The following KIF1A variants were observed in gnomAD, a reference collection of about 807,000 sequenced individuals.
KIF1A encodes kinesin-like protein KIF1A.
Under a neutral mutation model 227.3 loss-of-function variants are expected in KIF1A, and 46 were observed. The observed-to-expected ratio is 0.20, with a 90% CI of 0.16 to 0.26. The LOEUF (loss-of-function observed/expected upper bound fraction) is 0.26, where lower values mean the gene tolerates loss of function less well. Ranked by LOEUF, KIF1A falls within the 10% of genes least tolerant of loss-of-function variation. The pLI is 1.00. For missense variants in KIF1A, 1,683 were observed against 2,485.9 expected, an observed-to-expected ratio of 0.68 and a Z score of 6.87; for synonymous variants, 1,022 against 1,012.8, an observed-to-expected ratio of 1.01 and a Z score of -0.17.
intron 1 of KIF1A, among the ~76,000 whole-genome samples, chr2:240,806,954 C>T (rs566339311): frequency 8.6e-5 from 13 of 151,910 alleles, no homozygotes; most frequent in Admixed American, 1.3e-4. Flanking sequence ...AATATAAAGT[C>T]GTCCCTCAGT....
rs1404093478 is a variant in KIF1A at position 240,778,535 on chromosome 2, C to CACACACACACACACACACAT, written c.883-2610_883-2609insATGTGTGTGTGTGTGTGTGT. ...TTACACACACACACACACACACACA[C>CACACACACACACACACACAT]ACACACACAGGCTTCTCAGTGTCCC... On this transcript the variant is annotated intron_variant, in intron 10 of 48. Transcript: ENST00000498729. The surrounding 1 kb of genome is among the most constrained non-coding windows in gnomAD (Gnocchi z 7.2). Among the ~76,000 whole-genome samples the CACACACACACACACACACAT allele has an allele frequency of 2.0e-5, 3 of 151,610 alleles. No individual in the cohort carries two copies. Among genetic ancestry groups the CACACACACACACACACACAT allele is most frequent in the Non-Finnish European group, 4.4e-5 (3 of 67,866 alleles).
At position 240,797,785 on chromosome 2, in the gene KIF1A, A is replaced by G. The variant is rs772027205; in HGVS notation, c.-33T>C. On this transcript the variant is annotated 5_prime_UTR_variant, in exon 2 of 49. Coordinates refer to ENST00000498729, the MANE Select transcript of KIF1A (RefSeq NM_001244008.2). ...GCCTTCGTGGGTCACTCCTCGCAGT[A>G]GTGGGAGCCCCAGTGTGGGGGGAAC... The G allele has an allele frequency of 1.3e-5, 18 of 1,402,668 alleles. No individual in the cohort carries two copies. The African/African-American group carries it at 2.5e-4, about 20-fold the overall frequency. The allele number at this position is 1,402,668 out of a possible 1,614,324, so 86.9% of individuals were successfully genotyped here.
At position 240,785,022 on chromosome 2, in the gene KIF1A, G is replaced by A; in HGVS notation, c.687C>T (p.Arg229=). ...AVFNIIFTQK[R]HDAETNITTE... is the part of the protein sequence containing the mutation. ...TGGTGATATTGGTCTCTGCGTCATG[G>A]CGCTTCTGGGTGAAGATGATGTTGA... is the stretch of plus-strand genomic sequence containing the variant. The change falls in exon 7 of 49, where the codon CGC becomes CGT. Residue 229 remains arginine (R), a synonymous_variant. Coordinates refer to ENST00000498729, the MANE Select transcript of KIF1A (RefSeq NM_001244008.2). 1 of 1,613,654 alleles carries A rather than the reference G, an allele frequency of 6.2e-7. No individual in the cohort carries two copies. The highest frequency in any genetic ancestry group is 8.5e-7 in the Non-Finnish European group (1 of 1,179,824).
intron 1 of KIF1A, among the ~76,000 whole-genome samples, chr2:240,802,538 T>A (rs1427769744): frequency 3.3e-5 from 5 of 152,216 alleles, no homozygotes; most frequent in South Asian, 2.1e-4. Flanking sequence ...TAAGAGACTC[T>A]ACATACAAAG....
At chr2:240,817,689 C>G (rs1477702760) in intron 1 of KIF1A, among the ~76,000 whole-genome samples, 1 of 152,218 alleles carries the variant, frequency 6.6e-6, no homozygotes, top group Non-Finnish European at 1.5e-5. Context: ...TTCCCGTCCC[C>G]ACCACACCCA....
At chr2:240,719,548 C>A (rs1428119581) in intron 46 of KIF1A, among the ~76,000 whole-genome samples, 1 of 152,256 alleles carries the variant, frequency 6.6e-6, no homozygotes, top group African/African-American at 2.4e-5. Context: ...TGGTTCCCAG[C>A]CTAGGCATGT....
Position 240,788,878 on chromosome 2 carries a change from G to A in KIF1A, c.183+358C>T, listed in dbSNP as rs910474058. Among the ~76,000 whole-genome samples, 4 of 152,132 alleles carry A rather than the reference G, an allele frequency of 2.6e-5. No homozygotes were observed. Among genetic ancestry groups the A allele is most frequent in the Non-Finnish European group, 4.4e-5 (3 of 67,994 alleles). ...GACTGGATCGGGGAGGAGGGAAGGAGAAGAGTCCAGGGGTCTCCTGGGCTC... is the reference window on the plus strand; with the variant it reads ...GACTGGATCGGGGAGGAGGGAAGGAAAAGAGTCCAGGGGTCTCCTGGGCTC... On this transcript the variant is annotated intron_variant, in intron 3 of 48. Transcript: ENST00000498729. This position sits in a 1 kb window ranked among gnomAD's most constrained non-coding sequence, Gnocchi z 6.6.
intron 38 of KIF1A, among the ~76,000 whole-genome samples, chr2:240,734,486 G>C (rs2047099128): frequency 6.6e-6 from 1 of 152,162 alleles, no homozygotes; most frequent in Admixed American, 6.5e-5. Context: ...GGGGAAGAAG[G>C]GACTCAGCCA....
chr2:240,807,229 T>G (rs906081674), intron 1 of KIF1A, among the ~76,000 whole-genome samples: 9 of 151,890 alleles, frequency 5.9e-5, no homozygotes, highest in African/African-American at 2.2e-4. Flanking sequence ...CACCGCAACC[T>G]CTGCCTCCCG....
At chr2:240,737,328 G>T (rs900435351) in intron 37 of KIF1A, 160 bp from the exon 38 acceptor site, 19 of 595,326 alleles carry the variant, frequency 3.2e-5, no homozygotes, top group Non-Finnish European at 5.9e-5. Context: ...GCCCTACAGG[G>T]TCCTCAGCAA....
At chr2:240,719,747 G>A (rs201747520) in intron 46 of KIF1A, 27 bp downstream of exon 46, 105 of 1,524,376 alleles carry the variant, frequency 6.9e-5, no homozygotes, top group Admixed American at 4.2e-4. Context: ...AGCTGGTGGC[G>A]GTGCTTTCCA....
chr2:240,803,432 T>A (rs2057138740), intron 1 of KIF1A, among the ~76,000 whole-genome samples: 2 of 152,226 alleles, frequency 1.3e-5, no homozygotes, highest in South Asian at 2.1e-4. Context: ...TCCACTCTTG[T>A]GAATCTTCTA....
Position 240,758,276 on chromosome 2 carries a change from A to G in KIF1A, c.2582+84T>C. 6.8e-7 allele frequency: 1 copy of G among 1,463,206 alleles called. No individual in the cohort carries two copies. Among genetic ancestry groups the G allele is most frequent in the Admixed American group, 2.1e-5 (1 of 46,966 alleles). The allele number at this position is 1,463,206 out of a possible 1,614,324, so 90.6% of individuals were successfully genotyped here. ...AGCACTTGTCAGGGCCGCTCCTTGT[A>G]TCAGGCCAGGGCCCACTCCTACCCC... On this transcript the variant is annotated intron_variant, in intron 26 of 48. Coordinates refer to ENST00000498729, the MANE Select transcript of KIF1A (RefSeq NM_001244008.2). This position sits in a 1 kb window ranked among gnomAD's most constrained non-coding sequence, Gnocchi z 5.2.
At chr2:240,750,629 C>G in intron 27 of KIF1A, 82 bp from the exon 28 acceptor site, 1 of 983,800 alleles carries the variant, frequency 1.0e-6, no homozygotes, top group East Asian at 2.5e-5. Flanking sequence ...TGGCCTGGCT[C>G]ACGACACAAC....
chr2:240,794,047 C>T (rs1481848600), intron 2 of KIF1A, among the ~76,000 whole-genome samples: 6 of 152,222 alleles, frequency 3.9e-5, no homozygotes, highest in Non-Finnish European at 1.5e-5. Flanking sequence ...TGGACATCCA[C>T]CCGCACCCTC....
intron 1 of KIF1A, chr2:240,798,027 G>A (rs563773291): frequency 2.5e-4 from 92 of 365,788 alleles, no homozygotes; most frequent in African/African-American, 1.8e-3. Flanking sequence ...TCGCAAGCCT[G>A]AGGAAGCTGA....
intron 1 of KIF1A, among the ~76,000 whole-genome samples, chr2:240,806,304 A>C (rs5027087): frequency 0.58 from 88,721 of 152,124 alleles, 27,059 homozygotes; most frequent in African/African-American, 0.77. Context: ...ACCGGGGTAC[A>C]CTTGAGTCTT....
chr2:240,745,813 G>C lies in KIF1A; in HGVS notation c.3299C>G (p.Thr1100Ser), dbSNP rs1201195546. The C allele has an allele frequency of 1.2e-6, 2 of 1,612,994 alleles. No homozygotes were observed. Among genetic ancestry groups the C allele is most frequent in the Non-Finnish European group, 1.7e-6 (2 of 1,179,704 alleles). Residue 1100 changes from threonine (T) to serine (S), a missense_variant, in exon 31 of 49, where the codon ACC (threonine) becomes AGC (serine). Physicochemically the swap from Thr to Ser is moderately conservative, Grantham distance 58. Coordinates refer to ENST00000498729, the MANE Select transcript of KIF1A (RefSeq NM_001244008.2). ...CAGGACTGTCACACGGAAGGTGAAG[G>C]TGTTGCCCAGGCGGAGGTGGTCCAG... ...AALDHLRLGN[T>S]FTFRVTVLQA...
At position 240,778,024 on chromosome 2, in the gene KIF1A, C is replaced by T. The variant is rs1282930605; in HGVS notation, c.883-2098G>A. Among the ~76,000 whole-genome samples the T allele has an allele frequency of 2.0e-5, 3 of 152,166 alleles. No individual in the cohort carries two copies. Among genetic ancestry groups the T allele is most frequent in the Non-Finnish European group, 2.9e-5 (2 of 68,030 alleles). ...CGCCGTTCCCCGCACGGTTCCCACG[C>T]GGCTGCTCGCAGCTCACCACACAGT... is the stretch of plus-strand genomic sequence containing the variant. On this transcript the variant is annotated intron_variant, in intron 10 of 48. Transcript: ENST00000498729. The surrounding 1 kb of genome is among the most constrained non-coding windows in gnomAD (Gnocchi z 7.2).
Sources: allele counts gnomAD v4.1 joint callset (sites outside exome capture counted in the v4.1 genomes callset), GRCh38; gene constraint gnomAD v4.1.1; non-coding constraint Gnocchi (gnomAD v3.1); transcripts MANE v1.5; gene names NCBI Gene and HGNC (gene_info 2026-07-23, HGNC 2026-07-21).